Variants in IPO11 observed in about 807,000 individuals in gnomAD.
IPO11 encodes the protein importin-11.
In IPO11, 66 loss-of-function variants were observed where a neutral mutation model predicts 143.2. The ratio of observed to expected loss-of-function variants is 0.46; its 90% CI spans 0.38 to 0.57. IPO11 has a LOEUF of 0.57. Among genes scored for constraint, IPO11 ranks in the 20% least tolerant of loss-of-function variants. The pLI, the probability that IPO11 is intolerant of heterozygous loss-of-function variation, is 0.00. For missense variants in IPO11, 1,026 were observed against 1,141.0 expected, an observed-to-expected ratio of 0.90 and a Z score of 1.45; for synonymous variants, 385 against 377.8, an observed-to-expected ratio of 1.02 and a Z score of -0.22.
At chr5:62,475,920 T>G (rs1433350869) in intron 8 of IPO11, among the ~76,000 whole-genome samples, 1 of 152,232 alleles carries the variant, frequency 6.6e-6, no homozygotes, top group Non-Finnish European at 1.5e-5. Flanking sequence ...AGTGTGTGTT[T>G]GTGTGTTTGG....
chr5:62,419,572 A>G (rs1258802937), intron 1 of IPO11, among the ~76,000 whole-genome samples: 1 of 152,118 alleles, frequency 6.6e-6, no homozygotes, highest in African/African-American at 2.4e-5. Context: ...GGGCAATAAC[A>G]TTCATGGAGC....
At chr5:62,528,923 G>T (rs2112310158) in intron 21 of IPO11, among the ~76,000 whole-genome samples, 1 of 152,224 alleles carries the variant, frequency 6.6e-6, no homozygotes, top group African/African-American at 2.4e-5. Context: ...TCCTACTATG[G>T]CTTTTTATTT....
chr5:62,459,335 T>C (rs1745276259), intron 5 of IPO11, among the ~76,000 whole-genome samples: 1 of 152,084 alleles, frequency 6.6e-6, no homozygotes, highest in Non-Finnish European at 1.5e-5. Context: ...TATAGGTCTT[T>C]AGGAATGTCC....
chr5:62,425,549 C>T (rs887396070), intron 1 of IPO11, among the ~76,000 whole-genome samples: 57 of 152,134 alleles, frequency 3.7e-4, no homozygotes, highest in African/African-American at 8.4e-4. Flanking sequence ...AACTCCTGAC[C>T]TCAGGTGATC....
At chr5:62,559,748 C>G (rs1263473414) in intron 26 of IPO11, among the ~76,000 whole-genome samples, 1 of 151,702 alleles carries the variant, frequency 6.6e-6, no homozygotes. Context: ...GAAACCCTGT[C>G]TCTACTAAAA....
chr5:62,551,303 A>G lies in IPO11; in HGVS notation c.2427A>G (p.Leu809=). 1.9e-6 allele frequency: 3 copies of G among 1,604,758 alleles called. No individual in the cohort carries two copies. The highest frequency in any genetic ancestry group is 2.6e-6 in the Non-Finnish European group (3 of 1,173,134). The change falls in exon 26 of 30, where the codon CTA becomes CTG. Residue 809 remains leucine, a synonymous_variant. Transcript: ENST00000325324. ...AAAACACTAGTTTTTTTTCTTCACTACTTAATGAGATGGCCCATAAATTTA... is the reference window on the plus strand; with the variant it reads ...AAAACACTAGTTTTTTTTCTTCACTGCTTAATGAGATGGCCCATAAATTTA... The part of the protein sequence containing the change: ...LLQNTSFFSS[L]LNEMAHKFNQ...
chr5:62,578,344 T>C (rs1347421282), intron 27 of IPO11, among the ~76,000 whole-genome samples: 1 of 152,076 alleles, frequency 6.6e-6, no homozygotes, highest in Non-Finnish European at 1.5e-5. Context: ...TTTTCCCCTA[T>C]TTTTATTAAA....
rs34222825 is a variant in IPO11, at chr5:62,550,955, C to CA, written c.2347-253dup. 5.3e-3 allele frequency among the ~76,000 whole-genome samples: 405 copies of CA among 76,854 alleles called. 3 individuals carry two copies. The highest frequency in any genetic ancestry group is 0.044 in the East Asian group (131 of 2,970). 50.4% of individuals were successfully genotyped at this position (76,854 alleles called of 152,430 possible). On this transcript the variant is annotated intron_variant, in intron 25 of 29. Transcript: ENST00000325324. Reference sequence around the variant, plus strand: ...CTGGGTGACAGAGTGAACTCCATCTCAAAAAAAAAAAAAAAGTAATAAAGT... The same window carrying CA: ...CTGGGTGACAGAGTGAACTCCATCTCAAAAAAAAAAAAAAAAGTAATAAAGT...
At chr5:62,418,544 G>A (rs770327253) in intron 1 of IPO11, among the ~76,000 whole-genome samples, 21 of 152,180 alleles carry the variant, frequency 1.4e-4, no homozygotes, top group Non-Finnish European at 2.2e-4. Flanking sequence ...ATAGTTAATA[G>A]CATTATGCAG....
At chr5:62,531,572 C>T (rs922755997) in intron 22 of IPO11, among the ~76,000 whole-genome samples, 1 of 152,132 alleles carries the variant, frequency 6.6e-6, no homozygotes, top group African/African-American at 2.4e-5. Context: ...TCGTGATCTG[C>T]CTGCCTTGGC....
chr5:62,428,529 A>G (rs1009554412), intron 1 of IPO11, among the ~76,000 whole-genome samples: 4 of 151,992 alleles, frequency 2.6e-5, no homozygotes, highest in Admixed American at 2.0e-4. Context: ...TTTTTAGTAG[A>G]GACGGAGTTT....
intron 6 of IPO11, among the ~76,000 whole-genome samples, 163 bp downstream of exon 6, chr5:62,467,426 T>A (rs1745609778): frequency 6.7e-6 from 1 of 149,952 alleles, no homozygotes; most frequent in African/African-American, 2.5e-5. Context: ...TGGCAGTAGC[T>A]CTTCCTCTAC....
intron 5 of IPO11, among the ~76,000 whole-genome samples, chr5:62,465,767 A>C (rs1242246009): frequency 6.6e-6 from 1 of 152,264 alleles, no homozygotes; most frequent in Non-Finnish European, 1.5e-5. Flanking sequence ...GTTTGTAAAG[A>C]TACAGTGAAC....
intron 16 of IPO11, among the ~76,000 whole-genome samples, chr5:62,502,032 A>G (rs775544755): frequency 1.3e-5 from 2 of 152,160 alleles, no homozygotes; most frequent in South Asian, 4.1e-4. Context: ...AAGTGTCTTG[A>G]TAAGATGCAT....
At chr5:62,540,573 A>G (rs904864734) in intron 24 of IPO11, among the ~76,000 whole-genome samples, 3 of 152,234 alleles carry the variant, frequency 2.0e-5, no homozygotes, top group Non-Finnish European at 4.4e-5. Context: ...ACATTATTAG[A>G]GGGAGCGTAG....
At position 62,442,963 on chromosome 5, in the gene IPO11, A is replaced by G. The variant is rs1744548565; in HGVS notation, c.139-20A>G. 2.9e-6 allele frequency: 4 copies of G among 1,364,292 alleles called. No homozygotes were observed. Among genetic ancestry groups the G allele is most frequent in the Non-Finnish European group, 3.1e-6 (3 of 967,360 alleles). 84.5% of individuals were successfully genotyped at this position (1,364,292 alleles called of 1,614,324 possible). On this transcript the variant is annotated intron_variant, in intron 2 of 29. Coordinates refer to ENST00000325324, the MANE Select transcript of IPO11 (RefSeq NM_016338.5). ...TTACTTATTCCATGCTAATTCTAAT[A>G]TTATGTTTTTTATTTATAGAATATT...
intron 27 of IPO11, among the ~76,000 whole-genome samples, chr5:62,590,805 T>G (rs904623478): frequency 6.6e-6 from 1 of 152,228 alleles, no homozygotes; most frequent in East Asian, 1.9e-4. Context: ...CAATTTAATT[T>G]GAATTTCCCT....
At chr5:62,495,888 A>T (rs190958321) in intron 16 of IPO11, among the ~76,000 whole-genome samples, 2 of 152,364 alleles carry the variant, frequency 1.3e-5, no homozygotes, top group East Asian at 3.9e-4. Context: ...CCAGATATCA[A>T]CAAGTGTAAC....
intron 24 of IPO11, among the ~76,000 whole-genome samples, chr5:62,549,387 T>C (rs1580313479): frequency 6.6e-6 from 1 of 152,300 alleles, no homozygotes; most frequent in South Asian, 2.1e-4. Flanking sequence ...TTCTTGATGG[T>C]CGTAATTTTT....
Sources: gnomAD v4.1 joint callset for allele counts (sites outside exome capture counted in the v4.1 genomes callset) on GRCh38, gnomAD v4.1.1 for gene constraint, MANE v1.5 for transcripts, NCBI Gene and HGNC (gene_info 2026-07-23, HGNC 2026-07-21) for gene names.